The following ASTN2 variants were observed in gnomAD, a reference collection of about 807,000 sequenced individuals.
ASTN2 encodes the protein astrotactin 2.
ASTN2 carries 54 observed loss-of-function variants against 139.8 expected under a neutral mutation model. The ratio of observed to expected loss-of-function variants is 0.39; its 90% CI spans 0.31 to 0.48. The LOEUF is 0.48. Ranked by LOEUF, ASTN2 falls within the 20% of genes least tolerant of loss-of-function variation. ASTN2 has a pLI of 0.95. For missense variants in ASTN2, 1,565 were observed against 1,725.1 expected (o/e 0.91, Z 1.64); for synonymous variants, 756 against 719.5 (o/e 1.05, Z -0.81).
At chr9:116,463,146 T>C (rs1848543903) in intron 20 of ASTN2, among the ~76,000 whole-genome samples, 1 of 152,066 alleles carries the variant, frequency 6.6e-6, no homozygotes, top group Non-Finnish European at 1.5e-5. Flanking sequence ...CCCGCCTTTT[T>C]CTCCATTGCA....
chr9:116,496,437 G>C (rs1849671965), intron 19 of ASTN2, among the ~76,000 whole-genome samples: 1 of 152,186 alleles, frequency 6.6e-6, no homozygotes, highest in Admixed American at 6.5e-5. Context: ...ATTCCAGGGA[G>C]CAGGTATGGG....
At position 116,487,478 on chromosome 9, in the gene ASTN2, A is replaced by T. The variant is rs771706204; in HGVS notation, c.3378T>A (p.Asp1126Glu). ...ATGTGCCCAGGCCAGAGAGTAAGTC[A>T]TCAGCAAAACTCAGGAATTCTCCTG... ...LYTGEFLSFA[D>E]DLLSGLGTSC... Residue 1126 changes from aspartate to glutamate, a missense_variant, in exon 20 of 23, where the codon GAT (aspartate) becomes GAA (glutamate). Asp to Glu is a conservative substitution (Grantham distance 45, BLOSUM62 2). Transcript: ENST00000313400. 32 of 1,613,882 alleles carry T rather than the reference A, an allele frequency of 2.0e-5. No homozygotes were observed. The highest frequency in any genetic ancestry group is 4.0e-5 in the African/African-American group (3 of 74,928).
At chr9:117,260,474 A>T (rs1833795374) in intron 2 of ASTN2, among the ~76,000 whole-genome samples, 1 of 152,136 alleles carries the variant, frequency 6.6e-6, no homozygotes, top group African/African-American at 2.4e-5. Context: ...AACAAACTTC[A>T]TGTGCTTTAG....
chr9:116,606,340 A>G (rs1855202101), intron 19 of ASTN2, among the ~76,000 whole-genome samples: 2 of 152,090 alleles, frequency 1.3e-5, no homozygotes, highest in South Asian at 2.1e-4. Context: ...AGGGAGGGAG[A>G]GTGAGCATTT....
intron 16 of ASTN2, among the ~76,000 whole-genome samples, chr9:116,712,254 T>C (rs1828183885): frequency 6.6e-6 from 1 of 152,202 alleles, no homozygotes; most frequent in Admixed American, 6.5e-5. Context: ...TCTTACCTTC[T>C]TCAAGTGTTC....
At chr9:116,676,306 G>T (rs1258157688) in intron 16 of ASTN2, among the ~76,000 whole-genome samples, 1 of 152,154 alleles carries the variant, frequency 6.6e-6, no homozygotes, top group African/African-American at 2.4e-5. Context: ...TAGCAAAAAG[G>T]ATTTGTGAGA....
intron 2 of ASTN2, among the ~76,000 whole-genome samples, chr9:117,255,548 A>G (rs951516921): frequency 4.6e-5 from 7 of 152,200 alleles, no homozygotes; most frequent in Admixed American, 1.3e-4. Context: ...TCTAACTGGG[A>G]CAATATTCGA....
intron 6 of ASTN2, among the ~76,000 whole-genome samples, chr9:117,015,900 T>C (rs10759886): frequency 0.67 from 101,252 of 151,912 alleles, 34,641 homozygotes; most frequent in Middle Eastern, 0.79. Flanking sequence ...TCAGAAAAAT[T>C]TGAGTCTTTC....
intron 1 of ASTN2, among the ~76,000 whole-genome samples, chr9:117,300,051 G>A (rs1014108846): frequency 6.6e-6 from 1 of 152,116 alleles, no homozygotes; most frequent in Non-Finnish European, 1.5e-5. Flanking sequence ...CAACATGCTT[G>A]GAAATCTGCA....
At chr9:117,332,344 G>A (rs962548936) in intron 1 of ASTN2, among the ~76,000 whole-genome samples, 12 of 152,168 alleles carry the variant, frequency 7.9e-5, no homozygotes, top group Non-Finnish European at 1.5e-4. Context: ...GCCAAGGTGA[G>A]TGGATCACTT....
intron 4 of ASTN2, among the ~76,000 whole-genome samples, chr9:117,139,353 G>T (rs964241599): frequency 1.3e-5 from 2 of 152,192 alleles, no homozygotes; most frequent in Non-Finnish European, 2.9e-5. Flanking sequence ...GGAAACTGAA[G>T]TTCAGGGAGA....
intron 2 of ASTN2, among the ~76,000 whole-genome samples, chr9:117,285,870 A>AG (rs1834436643): frequency 6.6e-6 from 1 of 152,240 alleles, no homozygotes; most frequent in South Asian, 2.1e-4. Context: ...TCCTTCTGAG[A>AG]GAAACATGCC....
chr9:116,796,350 G>A (rs781034582), intron 13 of ASTN2, among the ~76,000 whole-genome samples: 1 of 152,026 alleles, frequency 6.6e-6, no homozygotes, highest in Non-Finnish European at 1.5e-5. Flanking sequence ...GTAAAAATTC[G>A]CTTTCCCGAA....
intron 2 of ASTN2, among the ~76,000 whole-genome samples, chr9:117,265,923 G>T (rs1355385413): frequency 6.6e-6 from 1 of 152,108 alleles, no homozygotes; most frequent in African/African-American, 2.4e-5. Flanking sequence ...ACTCTTGAAT[G>T]CTAATTCCTT....
chr9:117,192,399 A>AAAAAAAAG (rs1831373981), intron 3 of ASTN2, among the ~76,000 whole-genome samples: 1 of 152,106 alleles, frequency 6.6e-6, no homozygotes, highest in African/African-American at 2.4e-5. Context: ...AAGAAAAAAA[A>AAAAAAAAG]GAAAACTCAA....
chr9:116,448,312 C>T (rs1848069612), intron 20 of ASTN2, among the ~76,000 whole-genome samples: 2 of 141,448 alleles, frequency 1.4e-5, no homozygotes, highest in African/African-American at 2.5e-5. Context: ...CTGCCATTTC[C>T]AGCACAATGT....
rs1212673653 is a variant in ASTN2 at position 116,425,026 on chromosome 9, C to T, written c.*825G>A. 1.3e-5 allele frequency among the ~76,000 whole-genome samples: 2 copies of T among 152,172 alleles called. No homozygotes were observed. ...TCTAACAGTGAGTGCAAAGAACCTC[C>T]ATTCTTCCTCTAGCACAGCTTGAAA... On this transcript the variant is annotated 3_prime_UTR_variant, in exon 23 of 23. Transcript: ENST00000313400.
intron 11 of ASTN2, among the ~76,000 whole-genome samples, chr9:116,861,430 A>G (rs2132337523): frequency 6.6e-6 from 1 of 152,294 alleles, no homozygotes. Context: ...CATCCTTTTG[A>G]GCTGTTTGTC....
At chr9:117,402,157 C>T (rs1395082899) in intron 1 of ASTN2, among the ~76,000 whole-genome samples, 2 of 152,206 alleles carry the variant, frequency 1.3e-5, no homozygotes, top group Non-Finnish European at 2.9e-5. Flanking sequence ...ATCTCCACCT[C>T]CCAGGTTCAA....
Sources: allele counts gnomAD v4.1 joint callset (sites outside exome capture counted in the v4.1 genomes callset), GRCh38; gene constraint gnomAD v4.1.1; transcripts MANE v1.5; gene names NCBI Gene and HGNC (gene_info 2026-07-23, HGNC 2026-07-21).